The following SMARCA4 variants were observed in gnomAD, a reference collection of about 807,000 sequenced individuals.
SMARCA4 encodes SWI/SNF related BAF chromatin remodeling complex subunit ATPase 4.
A neutral mutation model predicts 193.9 loss-of-function variants in SMARCA4; 31 were observed. The ratio of observed to expected loss-of-function variants is 0.16; its 90% CI spans 0.12 to 0.22. The LOEUF (loss-of-function observed/expected upper bound fraction) is 0.22, where lower values mean the gene tolerates loss of function less well. Ranked by LOEUF, SMARCA4 falls within the 10% of genes least tolerant of loss-of-function variation. The pLI is 1.00. For missense variants in SMARCA4, 1,148 were observed against 2,296.0 expected, an observed-to-expected ratio of 0.50 and a Z score of 10.22; for synonymous variants, 942 against 933.1, an observed-to-expected ratio of 1.01 and a Z score of -0.17.
Position 10,989,314 on chromosome 19 carries a change from C to A in SMARCA4, c.1119-3C>A. 1.2e-6 allele frequency: 2 copies of A among 1,613,994 alleles called. No individual in the cohort carries two copies. Among genetic ancestry groups the A allele is most frequent in the Non-Finnish European group, 1.7e-6 (2 of 1,179,934 alleles). ...CGCCTTTGCTCCTTGTCTCTGCTCC[C>A]AGGCTGCAGGCTCGCATCGCACACC... On this transcript the variant is annotated splice_region_variant and splice_polypyrimidine_tract_variant and intron_variant, in intron 6 of 34. Transcript: ENST00000344626.
chr19:11,048,907 C>T (rs577143210), intron 30 of SMARCA4, among the ~76,000 whole-genome samples: 11 of 152,306 alleles, frequency 7.2e-5, no homozygotes, highest in African/African-American at 2.2e-4. Context: ...GCCATGAGGC[C>T]GCTCCTCCCA....
intron 13 of SMARCA4, among the ~76,000 whole-genome samples, chr19:11,006,598 A>G (rs1026503425): frequency 7.2e-5 from 11 of 152,082 alleles, no homozygotes; most frequent in Admixed American, 2.0e-4. Flanking sequence ...TAAAAAATAC[A>G]AAAATTAGCC....
rs1599929306 is a variant in SMARCA4 at position 10,984,262 on chromosome 19, C to T, written c.111C>T (p.Gly37=). The change falls in exon 2 of 35, where the codon GGC becomes GGT. Residue 37 remains glycine (G), a synonymous_variant. Transcript: ENST00000344626. This position sits in a 1 kb window ranked among gnomAD's most constrained non-coding sequence, Gnocchi z 4.3. The part of the protein sequence containing the change: ...MLGPSPGPSP[G]SAHSMMGPSP... Reference sequence around the variant, plus strand: ...GCCCTAGCCCGGGTCCCTCGCCGGGCTCCGCCCACAGCATGATGGGGCCCA... The same window carrying T: ...GCCCTAGCCCGGGTCCCTCGCCGGGTTCCGCCCACAGCATGATGGGGCCCA... 1 of 1,611,718 alleles carries T rather than the reference C, an allele frequency of 6.2e-7. No homozygotes were observed. Among genetic ancestry groups the T allele is most frequent in the Non-Finnish European group, 8.5e-7 (1 of 1,179,312 alleles).
At position 11,031,038 on chromosome 19, in the gene SMARCA4, C is replaced by CCTGATGACCTATGGAG; in HGVS notation, c.3546+145_3546+146insCTGATGACCTATGGAG. The CCTGATGACCTATGGAG allele has an allele frequency of 1.3e-6, 1 of 750,566 alleles. No individual in the cohort carries two copies. Among genetic ancestry groups the CCTGATGACCTATGGAG allele is most frequent in the Non-Finnish European group, 2.3e-6 (1 of 433,444 alleles). The allele number at this position is 750,566 out of a possible 1,614,324, so 46.5% of individuals were successfully genotyped here. ...CCGGGAGGAGCTGCACCCATATCTC[C>CCTGATGACCTATGGAG]ATAGGTCATCAGGGAGAAAAGAGGC... On this transcript the variant is annotated intron_variant, in intron 25 of 34. Coordinates refer to ENST00000344626, the MANE Select transcript of SMARCA4 (RefSeq NM_003072.5). The surrounding 1 kb of genome is among the most constrained non-coding windows in gnomAD (Gnocchi z 4.3).
rs1026854333 is a variant in SMARCA4 at position 10,987,338 on chromosome 19, G to A, written c.860-328G>A. ...TCTTGGAGCCTGAGGTTTAGCGATGGGCATTGAGGGGCAAATTGCTTCCAC... is the reference window on the plus strand; with the variant it reads ...TCTTGGAGCCTGAGGTTTAGCGATGAGCATTGAGGGGCAAATTGCTTCCAC... On this transcript the variant is annotated intron_variant, in intron 5 of 34. Coordinates refer to ENST00000344626, the MANE Select transcript of SMARCA4 (RefSeq NM_003072.5). This position sits in a 1 kb window ranked among gnomAD's most constrained non-coding sequence, Gnocchi z 5.3. 2.6e-5 allele frequency among the ~76,000 whole-genome samples: 4 copies of A among 152,206 alleles called. No homozygotes were observed. Among genetic ancestry groups the A allele is most frequent in the Non-Finnish European group, 5.9e-5 (4 of 68,034 alleles).
At position 11,034,236 on chromosome 19, in the gene SMARCA4, TC is replaced by T; in HGVS notation, c.3951+39del. ...CAGGCTGGATGGGGCAGTTCAGGCA[TC>T]CCACTCTGCTGCCACCAGGAGCAAA... On this transcript the variant is annotated intron_variant, in intron 28 of 34. Transcript: ENST00000344626. This position sits in a 1 kb window ranked among gnomAD's most constrained non-coding sequence, Gnocchi z 7.0. 1 of 1,517,416 alleles carries T rather than the reference TC, an allele frequency of 6.6e-7. No homozygotes were observed. Among genetic ancestry groups the T allele is most frequent in the Non-Finnish European group, 9.2e-7 (1 of 1,092,196 alleles). The allele number at this position is 1,517,416 out of a possible 1,614,324, so 94.0% of individuals were successfully genotyped here. A position where few individuals can be genotyped will look rare whatever the true frequency, so the allele number is the denominator to read the frequency against.
intron 6 of SMARCA4, among the ~76,000 whole-genome samples, chr19:10,988,166 G>A (rs1193354634): frequency 6.6e-6 from 1 of 150,758 alleles, no homozygotes; most frequent in African/African-American, 2.4e-5. Context: ...TGTTGCCCAC[G>A]CTGGAGTGCA....
intron 7 of SMARCA4, 65 bp from the exon 8 acceptor site, chr19:10,991,085 G>A (rs1178031634): frequency 4.4e-6 from 7 of 1,602,736 alleles, no homozygotes; most frequent in East Asian, 2.2e-5. Flanking sequence ...ATCACCATAC[G>A]TGTTTGTCAT....
At chr19:11,027,613 G>A (rs1225695267) in intron 23 of SMARCA4, 171 bp from the exon 24 acceptor site, 9 of 734,844 alleles carry the variant, frequency 1.2e-5, no homozygotes, top group Non-Finnish European at 2.2e-5. Context: ...TCAGTTGGGG[G>A]AAATGGCTTT....
At chr19:10,977,448 C>T (rs570670461) in intron 1 of SMARCA4, among the ~76,000 whole-genome samples, 77 of 152,112 alleles carry the variant, frequency 5.1e-4, no homozygotes, top group African/African-American at 1.8e-3. Context: ...CCCAGCCTCC[C>T]GAGTAGCTGG....
In SMARCA4 at chr19:10,995,232, C is replaced by T. The variant is rs1159198490; in HGVS notation, c.1593+231C>T. The stretch of plus-strand genomic sequence containing the variant: ...ACCTCAGGCCACTTAGCCGGCTCCT[C>T]TGCCTTCTCTGGAAAATGGAGGTGG... On this transcript the variant is annotated intron_variant, in intron 9 of 34. Transcript: ENST00000344626. The T allele has an allele frequency of 1.4e-5, 9 of 656,798 alleles. No homozygotes were observed. The Admixed American group carries it at 1.9e-4, about 14-fold the overall frequency. 40.7% of individuals were successfully genotyped at this position (656,798 alleles called of 1,614,324 possible). A position where few individuals can be genotyped will look rare whatever the true frequency, so the allele number is the denominator to read the frequency against.
chr19:11,000,912 G>T (rs982119407), intron 11 of SMARCA4, among the ~76,000 whole-genome samples: 1 of 151,708 alleles, frequency 6.6e-6, no homozygotes, highest in African/African-American at 2.4e-5. Flanking sequence ...GTGGGAGCTT[G>T]TGCTCAGTCC....
intron 9 of SMARCA4, 21 bp downstream of exon 9, chr19:10,995,022 C>T (rs754817032): frequency 9.2e-5 from 147 of 1,593,444 alleles, no homozygotes; most frequent in Non-Finnish European, 1.2e-4. Context: ...GCCTTCTTGA[C>T]GTGCGCTCTT....
At chr19:11,059,195 A>C (rs2076717819) in intron 32 of SMARCA4, 1 of 367,636 alleles carries the variant, frequency 2.7e-6, no homozygotes, top group African/African-American at 2.1e-5. Context: ...GAAGAAAATA[A>C]AGATAGGCAC....
At chr19:11,046,155 A>G (rs1465645697) in intron 30 of SMARCA4, among the ~76,000 whole-genome samples, 2 of 151,670 alleles carry the variant, frequency 1.3e-5, no homozygotes, top group East Asian at 1.9e-4. Flanking sequence ...CCCGGGAGGC[A>G]GAGCTTGCAG....
At chr19:11,009,007 C>CTTTTTTTTTTTTTTTTTTTTTT (rs762148337) in intron 14 of SMARCA4, among the ~76,000 whole-genome samples, 1 of 40,956 alleles carries the variant, frequency 2.4e-5, no homozygotes, top group Non-Finnish European at 4.1e-5. Context: ...ATAAAAGTCA[C>CTTTTTTTTTTTTTTTTTTTTTT]TTTTTTTTTT....
At chr19:11,003,279 G>C (rs1224772087) in intron 12 of SMARCA4, 61 bp from the exon 13 acceptor site, 3 of 1,605,976 alleles carry the variant, frequency 1.9e-6, no homozygotes, top group Non-Finnish European at 2.6e-6. Context: ...AGGTTTGGTA[G>C]GGAAAGTGAA....
chr19:11,040,438 A>G (rs1304726797), intron 29 of SMARCA4: 2 of 150,360 alleles, frequency 1.3e-5, no homozygotes, highest in Admixed American at 1.3e-4. Flanking sequence ...CTAAAAATAC[A>G]AAAATTAGCT....
At chr19:11,032,827 A>G (rs1003437465) in intron 25 of SMARCA4, among the ~76,000 whole-genome samples, 4 of 152,314 alleles carry the variant, frequency 2.6e-5, no homozygotes, top group African/African-American at 9.6e-5. Context: ...TTTGAGGCTC[A>G]CAGAGGTGAG....
Sources: allele counts gnomAD v4.1 joint callset (sites outside exome capture counted in the v4.1 genomes callset), GRCh38; gene constraint gnomAD v4.1.1; non-coding constraint Gnocchi (gnomAD v3.1); transcripts MANE v1.5; gene names NCBI Gene and HGNC (gene_info 2026-07-23, HGNC 2026-07-21).